The following EXT2 variants were observed in gnomAD, a reference collection of about 807,000 sequenced individuals.
The protein encoded by EXT2 is exostosin-2.
Under a neutral mutation model 81.6 loss-of-function variants are expected in EXT2, and 53 were observed. The observed-to-expected ratio is 0.65, with a 90% CI of 0.52 to 0.82. EXT2 has a LOEUF of 0.82. Ranked by LOEUF, EXT2 falls within the 40% of genes least tolerant of loss-of-function variation. EXT2 has a pLI of 0.00. For synonymous variants in EXT2, 320 were observed against 340.0 expected, an observed-to-expected ratio of 0.94 and a Z score of 0.65; for missense variants, 774 against 910.2, an observed-to-expected ratio of 0.85 and a Z score of 1.93.
chr11:44,103,660 T>G (rs564688600), intron 1 of EXT2: 1 of 450,540 alleles, frequency 2.2e-6, no homozygotes, highest in Admixed American at 2.7e-5. Context: ...GAATTTTCTT[T>G]ATAGGAAGAT....
chr11:44,168,336 A>T (rs1365952583), intron 7 of EXT2, among the ~76,000 whole-genome samples: 1 of 152,172 alleles, frequency 6.6e-6, no homozygotes, highest in Non-Finnish European at 1.5e-5. Flanking sequence ...AGAATAAGAG[A>T]TACATGAGAT....
intron 1 of EXT2, among the ~76,000 whole-genome samples, chr11:44,105,256 C>A (rs1954038208): frequency 1.3e-5 from 2 of 152,208 alleles, no homozygotes; most frequent in South Asian, 2.1e-4. Context: ...CCTGGAAGAT[C>A]CGTGAGTAGA....
At chr11:44,221,338 C>A (rs534893813) in intron 10 of EXT2, among the ~76,000 whole-genome samples, 12 of 152,226 alleles carry the variant, frequency 7.9e-5, no homozygotes, top group African/African-American at 2.9e-4. Flanking sequence ...CACCTGGTTT[C>A]GTATCTCTGC....
chr11:44,212,112 C>T (rs1955654996), intron 10 of EXT2, among the ~76,000 whole-genome samples: 1 of 151,606 alleles, frequency 6.6e-6, no homozygotes, highest in South Asian at 2.1e-4. Context: ...GATGAAACCC[C>T]ATCTCCACTA....
intron 10 of EXT2, among the ~76,000 whole-genome samples, chr11:44,209,417 A>T (rs1451219879): frequency 1.3e-5 from 2 of 152,174 alleles, no homozygotes; most frequent in African/African-American, 4.8e-5. Context: ...TCATGATTCT[A>T]CTATGATTCA....
chr11:44,103,496 T>C (rs1251619052), intron 1 of EXT2, among the ~76,000 whole-genome samples: 1 of 152,240 alleles, frequency 6.6e-6, no homozygotes, highest in African/African-American at 2.4e-5. Flanking sequence ...CAAGAACCAG[T>C]GTTCTAAGAT....
chr11:44,116,274 G>A (rs564247170), intron 4 of EXT2: 1 of 152,190 alleles, frequency 6.6e-6, no homozygotes, highest in Admixed American at 6.5e-5. Context: ...TACAATAAAT[G>A]GTCTTTTGTA....
intron 13 of EXT2, among the ~76,000 whole-genome samples, chr11:44,241,395 G>GTT (rs1308873977): frequency 6.6e-6 from 1 of 152,166 alleles, no homozygotes; most frequent in African/African-American, 2.4e-5. Flanking sequence ...ACTTCAATCT[G>GTT]TTCATCTCCT....
chr11:44,236,918 C>G (rs1459108099), intron 13 of EXT2, among the ~76,000 whole-genome samples: 1 of 152,088 alleles, frequency 6.6e-6, no homozygotes, highest in Non-Finnish European at 1.5e-5. Context: ...ACAAGCACAC[C>G]TTTGTGTGGA....
At chr11:44,215,865 ATTTTTT>A (rs34411687) in intron 10 of EXT2, among the ~76,000 whole-genome samples, 1 of 127,828 alleles carries the variant, frequency 7.8e-6, no homozygotes, top group East Asian at 2.3e-4. Context: ...CCATTTGGGA[ATTTTTT>A]TTTTTTTTTT....
intron 8 of EXT2, among the ~76,000 whole-genome samples, chr11:44,197,429 C>A (rs1955468096): frequency 6.6e-6 from 1 of 152,178 alleles, no homozygotes; most frequent in East Asian, 1.9e-4. Flanking sequence ...CTTCTCTAGC[C>A]CTTTCCAGCT....
At chr11:44,129,713 C>T (rs1385872752) in intron 6 of EXT2, among the ~76,000 whole-genome samples, 3 of 152,194 alleles carry the variant, frequency 2.0e-5, no homozygotes, top group South Asian at 4.1e-4. Flanking sequence ...TGGGATTTCA[C>T]ATGCAAAGGC....
intron 4 of EXT2, among the ~76,000 whole-genome samples, chr11:44,123,369 C>T (rs1954346967): frequency 1.3e-5 from 2 of 152,220 alleles, no homozygotes; most frequent in African/African-American, 4.8e-5. Context: ...GTGAGAGATA[C>T]GTAGCCCTAG....
rs1044210957 is a variant in EXT2, at chr11:44,245,863, G to T, written c.*1576G>T. ...GAATCATGGACTATTATTGCCAAAG[G>T]GGGCAAGCGATCATCTCATCCAGTT... On this transcript the variant is annotated 3_prime_UTR_variant, in exon 14 of 14. Coordinates refer to ENST00000533608, the MANE Select transcript of EXT2 (RefSeq NM_207122.2). 6.6e-6 allele frequency among the ~76,000 whole-genome samples: 1 copy of T among 152,202 alleles called. No homozygotes were observed. The highest frequency in any genetic ancestry group is 1.5e-5 in the Non-Finnish European group (1 of 68,038).
intron 8 of EXT2, among the ~76,000 whole-genome samples, chr11:44,185,216 C>T (rs1407643508): frequency 6.6e-6 from 1 of 152,226 alleles, no homozygotes; most frequent in East Asian, 1.9e-4. Flanking sequence ...TTAAAACCAA[C>T]TACATTGCCA....
rs1956136864 is a variant in EXT2 at position 44,251,388 on chromosome 11, T to C, written c.*7101T>C. Among the ~76,000 whole-genome samples, 1 of 152,220 alleles carries C rather than the reference T, an allele frequency of 6.6e-6. No individual in the cohort carries two copies. The highest frequency in any genetic ancestry group is 2.4e-5 in the African/African-American group (1 of 41,470). On this transcript the variant is annotated 3_prime_UTR_variant, in exon 14 of 14. Transcript: ENST00000533608. ...TTTGGAAGTCCACTGCAGTGTATTA[T>C]ATGCTGTGTGGAAGTCTGGGGGTTA...
intron 10 of EXT2, 108 bp downstream of exon 10, chr11:44,207,067 T>G: frequency 7.6e-7 from 1 of 1,321,894 alleles, no homozygotes; most frequent in East Asian, 2.3e-5. Flanking sequence ...TCAGAGTTTC[T>G]AAAATCTTCC....
chr11:44,129,577 G>A (rs1205749045), intron 6 of EXT2, among the ~76,000 whole-genome samples: 1 of 152,132 alleles, frequency 6.6e-6, no homozygotes, highest in Admixed American at 6.5e-5. Flanking sequence ...ATTCACTGTT[G>A]GGTTAGCACA....
At chr11:44,138,082 T>C (rs1378920687) in intron 7 of EXT2, among the ~76,000 whole-genome samples, 2 of 152,180 alleles carry the variant, frequency 1.3e-5, no homozygotes, top group Admixed American at 1.3e-4. Flanking sequence ...ATCAGGGCAC[T>C]GACTTCCACC....
Sources: allele counts gnomAD v4.1 joint callset (sites outside exome capture counted in the v4.1 genomes callset), GRCh38; gene constraint gnomAD v4.1.1; transcripts MANE v1.5; gene names NCBI Gene and HGNC (gene_info 2026-07-23, HGNC 2026-07-21).